Variants in CHORDC1 observed in about 807,000 individuals in gnomAD.
CHORDC1 encodes the protein cysteine and histidine-rich domain-containing protein 1.
In CHORDC1, 25 loss-of-function variants were observed where a neutral mutation model predicts 48.3. The observed-to-expected ratio is 0.52, with a 90% CI of 0.38 to 0.72. CHORDC1 has a LOEUF of 0.72. Among genes scored for constraint, CHORDC1 ranks in the 30% least tolerant of loss-of-function variants. CHORDC1 has a pLI of 0.00. For missense variants in CHORDC1, 317 were observed against 388.7 expected (o/e 0.82, Z 1.55); for synonymous variants, 128 against 126.4 (o/e 1.01, Z -0.09).
intron 1 of CHORDC1, among the ~76,000 whole-genome samples, chr11:90,218,787 C>T (rs1458251311): frequency 6.6e-6 from 1 of 151,904 alleles, no homozygotes; most frequent in Non-Finnish European, 1.5e-5. Flanking sequence ...TGCCCCCGCC[C>T]AGTCTGGGAA....
intron 4 of CHORDC1, chr11:90,213,341 A>G (rs1857920670): frequency 9.2e-6 from 6 of 654,410 alleles, no homozygotes; most frequent in Middle Eastern, 2.4e-4. Flanking sequence ...AGCCAAAAAA[A>G]AAAAAAAAAA....
At chr11:90,203,248 G>C in intron 9 of CHORDC1, 60 bp downstream of exon 9, 2 of 1,420,182 alleles carry the variant, frequency 1.4e-6, no homozygotes, top group South Asian at 1.4e-5. Context: ...TTAAAATACA[G>C]TAACATAAAG....
intron 2 of CHORDC1, among the ~76,000 whole-genome samples, chr11:90,216,194 A>G (rs1236649474): frequency 6.6e-6 from 1 of 152,162 alleles, no homozygotes; most frequent in Non-Finnish European, 1.5e-5. Context: ...TCTATAAGAG[A>G]AAAAGTTTTA....
At chr11:90,210,917 T>C (rs1857842949) in intron 5 of CHORDC1, 1 of 317,628 alleles carries the variant, frequency 3.1e-6, no homozygotes, top group Admixed American at 4.7e-5. Context: ...TTTTGTATAA[T>C]GTACAAGAAA....
chr11:90,208,149 G>A (rs987253032), intron 6 of CHORDC1: 3 of 152,174 alleles, frequency 2.0e-5, no homozygotes, highest in African/African-American at 7.2e-5. Flanking sequence ...GTTCATAATA[G>A]GCCGGCTGCG....
chr11:90,217,964 C>G (rs1858060257), intron 2 of CHORDC1, 171 bp downstream of exon 2: 1 of 412,504 alleles, frequency 2.4e-6, no homozygotes, highest in Non-Finnish European at 4.4e-6. Flanking sequence ...AGATCATCAT[C>G]TACTGTCTTT....
At chr11:90,206,086 T>C (rs532352881) in intron 7 of CHORDC1, 116 bp downstream of exon 7, 2 of 717,328 alleles carry the variant, frequency 2.8e-6, no homozygotes, top group Admixed American at 2.2e-5. Context: ...AAGATGTTAA[T>C]GGCAATGTAA....
In CHORDC1 at chr11:90,222,911, T is replaced by C. The variant is rs1016265059; in HGVS notation, c.44A>G (p.Asp15Gly). The C allele has an allele frequency of 1.2e-5, 19 of 1,613,930 alleles. No individual in the cohort carries two copies. Among genetic ancestry groups the C allele is most frequent in the Non-Finnish European group, 1.6e-5 (19 of 1,179,978 alleles). The change falls in exon 1 of 11, where the codon GAT becomes GGT. Residue 15 changes from aspartate to glycine, a missense_variant. By Grantham distance (94) the Asp-to-Gly change is moderately conservative. Coordinates refer to ENST00000320585, the MANE Select transcript of CHORDC1 (RefSeq NM_012124.3). ...CYNRGCGQRF[D>G]PETNSDDACT... ...CTTACCGTCGGAATTGGTCTCAGGA[T>C]CGAAGCGCTGACCGCAGCCCCGGTT...
At chr11:90,215,684 GATTA>G (rs992292219) in intron 2 of CHORDC1, among the ~76,000 whole-genome samples, 2 of 151,902 alleles carry the variant, frequency 1.3e-5, no homozygotes, top group African/African-American at 2.4e-5. Context: ...GAACAACAAA[GATTA>G]ATTAACACAG....
At chr11:90,217,337 T>C (rs1376755254) in intron 2 of CHORDC1, among the ~76,000 whole-genome samples, 1 of 150,876 alleles carries the variant, frequency 6.6e-6, no homozygotes, top group Non-Finnish European at 1.5e-5. Flanking sequence ...CAGCATCATC[T>C]TTTGAGATAT....
intron 6 of CHORDC1, chr11:90,208,701 TAATG>T (rs1174911795): frequency 2.6e-5 from 4 of 152,154 alleles, no homozygotes; most frequent in African/African-American, 4.8e-5. Context: ...TTGAGGAAGA[TAATG>T]AATGAGAAAA....
At chr11:90,215,085 C>T in intron 3 of CHORDC1, 89 bp downstream of exon 3, 1 of 687,784 alleles carries the variant, frequency 1.5e-6, no homozygotes, top group Non-Finnish European at 2.4e-6. Flanking sequence ...ACCAATCAAT[C>T]TATATCAGAA....
Position 90,211,262 on chromosome 11 carries a change from G to A in CHORDC1, c.386C>T (p.Ala129Val). 1 of 1,608,662 alleles carries A rather than the reference G, an allele frequency of 6.2e-7. No individual in the cohort carries two copies. The highest frequency in any genetic ancestry group is 8.5e-7 in the Non-Finnish European group (1 of 1,176,238). The change falls in exon 5 of 11, where the codon GCA becomes GTA. Residue 129 changes from alanine to valine, a missense_variant. Physicochemically the swap from Ala to Val is moderately conservative, Grantham distance 64 (BLOSUM62 0). Transcript: ENST00000320585. Reference protein sequence around the residue: ...ELKISASLKQALDKLKLSSGN... With the variant: ...ELKISASLKQVLDKLKLSSGN... ...TGATGACAGTTTAAGTTTATCAAGTGCTTGTTTTAGGGAGGCAGATATTTT... is the reference window on the plus strand; with the variant it reads ...TGATGACAGTTTAAGTTTATCAAGTACTTGTTTTAGGGAGGCAGATATTTT...
At position 90,200,508 on chromosome 11, in the gene CHORDC1, T is replaced by A. The variant is rs1387085979; in HGVS notation, c.*1897A>T. Reference sequence around the variant, plus strand: ...TAGTAAAACATATGCTACCTAACGATAACTGTGTCCCTTTATGTATGAGTC... The same window carrying A: ...TAGTAAAACATATGCTACCTAACGAAAACTGTGTCCCTTTATGTATGAGTC... On this transcript the variant is annotated 3_prime_UTR_variant, in exon 11 of 11. Transcript: ENST00000320585. Among the ~76,000 whole-genome samples the A allele has an allele frequency of 3.9e-5, 6 of 151,974 alleles. No individual in the cohort carries two copies. Among genetic ancestry groups the A allele is most frequent in the African/African-American group, 1.4e-4 (6 of 41,446 alleles).
chr11:90,204,424 T>G (rs1352881617), intron 8 of CHORDC1, among the ~76,000 whole-genome samples: 7 of 147,930 alleles, frequency 4.7e-5, no homozygotes, highest in Non-Finnish European at 9.2e-5. Context: ...CCATGTGTTA[T>G]TAAAAAGCAA....
chr11:90,220,844 A>G (rs2135059847), intron 1 of CHORDC1, among the ~76,000 whole-genome samples: 1 of 152,290 alleles, frequency 6.6e-6, no homozygotes, highest in Admixed American at 6.5e-5. Context: ...GCTACTCGCT[A>G]GTAGTTCCTT....
At chr11:90,211,463 T>A in intron 4 of CHORDC1, 145 bp from the exon 5 acceptor site, 1 of 599,046 alleles carries the variant, frequency 1.7e-6, no homozygotes, top group Non-Finnish European at 3.0e-6. Flanking sequence ...AGGTATTTTA[T>A]AAATAATTGT....
chr11:90,207,781 A>AAAAAAC (rs1857742062), intron 6 of CHORDC1: 1 of 149,538 alleles, frequency 6.7e-6, no homozygotes, highest in Admixed American at 6.7e-5. Flanking sequence ...AAAAAAAACA[A>AAAAAAC]AAAAAACTCG....
chr11:90,218,556 T>C (rs1167683849), intron 1 of CHORDC1, among the ~76,000 whole-genome samples: 2 of 152,244 alleles, frequency 1.3e-5, no homozygotes, highest in African/African-American at 2.4e-5. Flanking sequence ...AGTATTCTTA[T>C]GTGCATTCAT....
Sources: gnomAD v4.1 joint callset for allele counts (sites outside exome capture counted in the v4.1 genomes callset) on GRCh38, gnomAD v4.1.1 for gene constraint, MANE v1.5 for transcripts, NCBI Gene and HGNC (gene_info 2026-07-23, HGNC 2026-07-21) for gene names.